Variants in PIP4K2A observed in about 807,000 individuals in gnomAD.
PIP4K2A encodes the protein phosphatidylinositol 5-phosphate 4-kinase type-2 alpha.
Under a neutral mutation model 42.9 loss-of-function variants are expected in PIP4K2A, and 14 were observed. The ratio of observed to expected loss-of-function variants is 0.33; its 90% CI spans 0.22 to 0.51. PIP4K2A has a LOEUF of 0.51. Ranked by LOEUF, PIP4K2A falls within the 20% of genes least tolerant of loss-of-function variation. PIP4K2A has a pLI of 0.97. For missense variants in PIP4K2A, 434 were observed against 519.8 expected (o/e 0.83, Z 1.61); for synonymous variants, 192 against 192.2 (o/e 1.00, Z 0.01).
At chr10:22,656,102 T>C (rs973860050) in intron 1 of PIP4K2A, among the ~76,000 whole-genome samples, 3 of 152,200 alleles carry the variant, frequency 2.0e-5, no homozygotes, top group Admixed American at 6.5e-5. Flanking sequence ...TCAACTCCTA[T>C]GGCACATTTA....
intron 1 of PIP4K2A, among the ~76,000 whole-genome samples, chr10:22,629,489 A>T (rs1750765): frequency 0.065 from 9,884 of 152,258 alleles, 483 homozygotes; most frequent in African/African-American, 0.14. Flanking sequence ...TTAAAAGAAA[A>T]CAAAGTTCTG....
In PIP4K2A at chr10:22,591,615, T is replaced by C. The variant is rs201856752; in HGVS notation, c.492+14A>G. On this transcript the variant is annotated intron_variant, in intron 4 of 9. Transcript: ENST00000376573. ...ATCTTCTTGGAGTTTCAAATAAAGATCAAGAAAAATTACCTGGTGGTATTT... is the reference window on the plus strand; with the variant it reads ...ATCTTCTTGGAGTTTCAAATAAAGACCAAGAAAAATTACCTGGTGGTATTT... 1.0e-5 allele frequency: 16 copies of C among 1,592,374 alleles called. No individual in the cohort carries two copies. The highest frequency in any genetic ancestry group is 1.4e-5 in the Non-Finnish European group (16 of 1,166,444).
In PIP4K2A at chr10:22,702,182, A is replaced by G. The variant is rs374784319; in HGVS notation, c.144+12001T>C. Among the ~76,000 whole-genome samples, 699 of 152,384 alleles carry G rather than the reference A, an allele frequency of 4.6e-3. 1 individual carries two copies. The highest frequency in any genetic ancestry group is 0.02 in the Middle Eastern group (6 of 294). ...CTATCCAAGGAAGTGAGCAGCTCAG[A>G]GCCAAAATGAACCAAACATAAATGG... On this transcript the variant is annotated intron_variant, in intron 1 of 9. Coordinates refer to ENST00000376573, the MANE Select transcript of PIP4K2A (RefSeq NM_005028.5).
chr10:22,676,713 T>C (rs1839567886), intron 1 of PIP4K2A, among the ~76,000 whole-genome samples: 1 of 152,158 alleles, frequency 6.6e-6, no homozygotes, highest in African/African-American at 2.4e-5. Context: ...GGGCAACTGC[T>C]ATAGTCCAGG....
chr10:22,667,448 T>C (rs765163299), intron 1 of PIP4K2A, among the ~76,000 whole-genome samples: 1 of 152,212 alleles, frequency 6.6e-6, no homozygotes, highest in Non-Finnish European at 1.5e-5. Flanking sequence ...GCTTTGAATG[T>C]GTTGCTTTCA....
chr10:22,601,551 A>T (rs1158117648), intron 3 of PIP4K2A, among the ~76,000 whole-genome samples: 1 of 152,164 alleles, frequency 6.6e-6, no homozygotes, highest in African/African-American at 2.4e-5. Context: ...ACCTGTGAGG[A>T]CAAATGGAGC....
intron 6 of PIP4K2A, among the ~76,000 whole-genome samples, chr10:22,565,828 C>A (rs963821377): frequency 2.4e-5 from 1 of 40,840 alleles, no homozygotes; most frequent in South Asian, 1.8e-3. Context: ...GAGATACAGG[C>A]TTATAAACAG....
chr10:22,617,750 A>G (rs1838207645), intron 1 of PIP4K2A, among the ~76,000 whole-genome samples: 1 of 152,094 alleles, frequency 6.6e-6, no homozygotes, highest in Non-Finnish European at 1.5e-5. Flanking sequence ...ATTTCATGGC[A>G]GCATGAGCAT....
intron 4 of PIP4K2A, among the ~76,000 whole-genome samples, chr10:22,583,074 T>A (rs922703190): frequency 1.3e-5 from 2 of 152,216 alleles, no homozygotes; most frequent in Non-Finnish European, 2.9e-5. Context: ...CAGAAATGCC[T>A]AAGTACATAC....
intron 5 of PIP4K2A, among the ~76,000 whole-genome samples, chr10:22,568,547 G>C (rs1280259464): frequency 1.3e-5 from 2 of 152,186 alleles, no homozygotes; most frequent in African/African-American, 2.4e-5. Flanking sequence ...CCTATGCTGA[G>C]TGCAGAGGTA....
chr10:22,642,294 T>C (rs1838797223), intron 1 of PIP4K2A, among the ~76,000 whole-genome samples: 1 of 152,184 alleles, frequency 6.6e-6, no homozygotes, highest in Non-Finnish European at 1.5e-5. Flanking sequence ...CTTTCAAGTT[T>C]CATTGAATTT....
At chr10:22,564,095 A>T (rs1369839969) in intron 6 of PIP4K2A, among the ~76,000 whole-genome samples, 1 of 152,238 alleles carries the variant, frequency 6.6e-6, no homozygotes, top group Non-Finnish European at 1.5e-5. Flanking sequence ...TGAGGAGGGC[A>T]GTGAACTGTG....
At chr10:22,676,048 T>G (rs1839550608) in intron 1 of PIP4K2A, among the ~76,000 whole-genome samples, 1 of 152,120 alleles carries the variant, frequency 6.6e-6, no homozygotes, top group Admixed American at 6.5e-5. Flanking sequence ...TCCTTTTCCT[T>G]TTTGTCTTTT....
chr10:22,690,269 G>A (rs1839838476), intron 1 of PIP4K2A, among the ~76,000 whole-genome samples: 1 of 152,174 alleles, frequency 6.6e-6, no homozygotes, highest in South Asian at 2.1e-4. Flanking sequence ...CTGAGGTACA[G>A]AGAGATTAAT....
At chr10:22,699,833 G>C (rs996954507) in intron 1 of PIP4K2A, among the ~76,000 whole-genome samples, 2 of 151,956 alleles carry the variant, frequency 1.3e-5, no homozygotes, top group African/African-American at 4.8e-5. Context: ...CCAGATTTTA[G>C]GCAGACCACT....
chr10:22,675,066 A>G (rs1449501557), intron 1 of PIP4K2A, among the ~76,000 whole-genome samples: 4 of 152,212 alleles, frequency 2.6e-5, no homozygotes, highest in Non-Finnish European at 5.9e-5. Context: ...TATTGCTTTA[A>G]GAGGGCACAG....
chr10:22,567,413 C>T (rs1040612671), intron 6 of PIP4K2A: 2 of 347,318 alleles, frequency 5.8e-6, no homozygotes, highest in Non-Finnish European at 1.1e-5. Flanking sequence ...CTCATCCAAG[C>T]CAACATACTA....
intron 1 of PIP4K2A, among the ~76,000 whole-genome samples, chr10:22,698,976 G>A (rs1055692794): frequency 6.6e-6 from 1 of 152,134 alleles, no homozygotes; most frequent in African/African-American, 2.4e-5. Flanking sequence ...ATTCACTATT[G>A]GCTATTTCCT....
At chr10:22,671,791 C>T (rs1041552893) in intron 1 of PIP4K2A, among the ~76,000 whole-genome samples, 1 of 151,350 alleles carries the variant, frequency 6.6e-6, no homozygotes, top group Non-Finnish European at 1.5e-5. Flanking sequence ...CTAGGACTCT[C>T]CTCCAAGAAT....
Sources: allele counts gnomAD v4.1 joint callset (sites outside exome capture counted in the v4.1 genomes callset), GRCh38; gene constraint gnomAD v4.1.1; transcripts MANE v1.5; gene names NCBI Gene and HGNC (gene_info 2026-07-23, HGNC 2026-07-21).